The following HPSE2 variants were observed in gnomAD, a reference collection of about 807,000 sequenced individuals.
HPSE2 encodes the protein heparanase 2 (inactive).
HPSE2 carries 38 observed loss-of-function variants against 60.5 expected under a neutral mutation model. The ratio of observed to expected loss-of-function variants is 0.63; its 90% CI spans 0.48 to 0.82. The LOEUF (loss-of-function observed/expected upper bound fraction) is 0.82. Ranked by LOEUF, HPSE2 falls within the 40% of genes least tolerant of loss-of-function variation. The pLI is 0.00. For missense variants in HPSE2, 713 were observed against 740.4 expected, an observed-to-expected ratio of 0.96 and a Z score of 0.43; for synonymous variants, 295 against 293.2, an observed-to-expected ratio of 1.01 and a Z score of -0.06.
the HPSE2 span, among the ~76,000 whole-genome samples, chr10:99,243,925 G>T: frequency 6.6e-6 from 1 of 152,150 alleles, no homozygotes; most frequent in East Asian, 1.9e-4. Flanking sequence ...AACAGAGAGA[G>T]ACTCAGTCTC....
At chr10:98,952,824 T>C (rs1955403205) in intron 3 of HPSE2, among the ~76,000 whole-genome samples, 1 of 152,232 alleles carries the variant, frequency 6.6e-6, no homozygotes, top group Admixed American at 6.5e-5. Flanking sequence ...CTTCTTCTTA[T>C]AAGGCCACCA....
At chr10:99,141,166 T>C (rs1035866907) in intron 3 of HPSE2, among the ~76,000 whole-genome samples, 2 of 152,250 alleles carry the variant, frequency 1.3e-5, no homozygotes, top group African/African-American at 4.8e-5. Flanking sequence ...CTGTTCTTTT[T>C]TTAAAGTCTC....
chr10:98,930,197 C>T (rs1438383037), intron 3 of HPSE2, among the ~76,000 whole-genome samples: 1 of 143,782 alleles, frequency 7.0e-6, no homozygotes, highest in East Asian at 2.0e-4. Context: ...CATGTGTTCT[C>T]ATTGTTCAGT....
At chr10:98,589,797 C>T (rs1945038327) in intron 9 of HPSE2, among the ~76,000 whole-genome samples, 1 of 152,214 alleles carries the variant, frequency 6.6e-6, no homozygotes, top group African/African-American at 2.4e-5. Flanking sequence ...CACATAACTG[C>T]TTGATAAGAC....
At chr10:98,638,879 G>GA (rs961693409) in intron 7 of HPSE2, among the ~76,000 whole-genome samples, 10 of 152,074 alleles carry the variant, frequency 6.6e-5, no homozygotes, top group Middle Eastern at 3.4e-3. Context: ...AGAATCAGGG[G>GA]AAAAAAACAG....
intron 3 of HPSE2, among the ~76,000 whole-genome samples, chr10:98,767,072 A>T (rs537804100): frequency 9.2e-5 from 14 of 152,340 alleles, no homozygotes; most frequent in Admixed American, 5.9e-4. Flanking sequence ...TCATTATTTT[A>T]AAAAATTCAT....
the HPSE2 span, among the ~76,000 whole-genome samples, chr10:99,286,465 A>G: frequency 6.6e-6 from 1 of 152,250 alleles, no homozygotes; most frequent in Non-Finnish European, 1.5e-5. Flanking sequence ...GATTCCACTT[A>G]TATGAAATAT....
chr10:98,545,686 C>T (rs527903), intron 9 of HPSE2, among the ~76,000 whole-genome samples: 6,981 of 152,052 alleles, frequency 0.046, 171 homozygotes, highest in South Asian at 0.082. Flanking sequence ...GACAAACCCA[C>T]GCCAATATCA....
At chr10:99,045,431 A>G (rs1320671563) in intron 3 of HPSE2, among the ~76,000 whole-genome samples, 1 of 152,142 alleles carries the variant, frequency 6.6e-6, no homozygotes, top group Non-Finnish European at 1.5e-5. Flanking sequence ...TAAAGGAACT[A>G]GAAGAAAAAA....
intron 3 of HPSE2, among the ~76,000 whole-genome samples, chr10:98,872,770 G>C (rs933095717): frequency 6.6e-6 from 1 of 152,100 alleles, no homozygotes; most frequent in Non-Finnish European, 1.5e-5. Flanking sequence ...GCAAGTTCTA[G>C]ATATTATTTC....
At chr10:99,190,187 T>C (rs1464802674) in intron 2 of HPSE2, among the ~76,000 whole-genome samples, 1 of 152,238 alleles carries the variant, frequency 6.6e-6, no homozygotes, top group African/African-American at 2.4e-5. Flanking sequence ...TATAATATGA[T>C]GTCATTTCAC....
chr10:99,241,527 C>T, the HPSE2 span, among the ~76,000 whole-genome samples: 3 of 152,134 alleles, frequency 2.0e-5, no homozygotes, highest in Non-Finnish European at 2.9e-5. Flanking sequence ...AAGGCTAAGA[C>T]GGGAGGATTG....
intron 9 of HPSE2, among the ~76,000 whole-genome samples, chr10:98,571,272 G>A (rs186783363): frequency 2.1e-4 from 32 of 152,258 alleles, no homozygotes; most frequent in Admixed American, 8.5e-4. Context: ...GGGAGGCCAA[G>A]GCAGGAGTAT....
intron 3 of HPSE2, among the ~76,000 whole-genome samples, chr10:98,781,439 CAAAT>C (rs570411454): frequency 6.6e-4 from 100 of 151,784 alleles, no homozygotes; most frequent in African/African-American, 2.2e-3. Flanking sequence ...AATTACAAAA[CAAAT>C]AAACTGAAAA....
intron 7 of HPSE2, among the ~76,000 whole-genome samples, chr10:98,624,503 T>G (rs534398968): frequency 1.6e-4 from 25 of 152,114 alleles, no homozygotes; most frequent in African/African-American, 5.8e-4. Context: ...AGTATTTTTA[T>G]TCTGAGTGTG....
chr10:98,931,469 T>C (rs562102858), intron 3 of HPSE2, among the ~76,000 whole-genome samples: 3 of 144,278 alleles, frequency 2.1e-5, no homozygotes, highest in Admixed American at 1.4e-4. Flanking sequence ...TTTGGTTCCA[T>C]ATAAATTTTA....
At chr10:98,808,589 T>C (rs1402861749) in intron 3 of HPSE2, among the ~76,000 whole-genome samples, 3 of 152,160 alleles carry the variant, frequency 2.0e-5, no homozygotes, top group African/African-American at 7.2e-5. Flanking sequence ...ATTCTTTTTC[T>C]GAGCCAGAAA....
chr10:98,789,055 T>C (rs1335082465), intron 3 of HPSE2, among the ~76,000 whole-genome samples: 3 of 152,202 alleles, frequency 2.0e-5, no homozygotes, highest in Admixed American at 6.5e-5. Flanking sequence ...TACCTATTTA[T>C]GTTATTATCT....
At chr10:99,181,453 C>G (rs1053472365) in intron 2 of HPSE2, among the ~76,000 whole-genome samples, 2 of 150,018 alleles carry the variant, frequency 1.3e-5, no homozygotes, top group African/African-American at 4.9e-5. Flanking sequence ...ATGGCACTGT[C>G]CACAATAGCA....
Sources: allele counts gnomAD v4.1 joint callset (sites outside exome capture counted in the v4.1 genomes callset), GRCh38; gene constraint gnomAD v4.1.1; transcripts MANE v1.5; gene names NCBI Gene and HGNC (gene_info 2026-07-23, HGNC 2026-07-21).